The following CEP170 variants were observed in gnomAD, a reference collection of about 807,000 sequenced individuals.
CEP170 encodes the protein centrosomal protein 170.
A neutral mutation model predicts 151.9 loss-of-function variants in CEP170; 21 were observed. The observed-to-expected ratio is 0.14, with a 90% CI of 0.10 to 0.20. The LOEUF (loss-of-function observed/expected upper bound fraction) is 0.20, where lower values mean the gene tolerates loss of function less well. Ranked by LOEUF, CEP170 falls within the 10% of genes least tolerant of loss-of-function variation. The pLI, the probability that CEP170 is intolerant of heterozygous loss-of-function variation, is 1.00. For synonymous variants in CEP170, 356 were observed against 648.8 expected, an observed-to-expected ratio of 0.55 and a Z score of 6.86; for missense variants, 964 against 1,892.9, an observed-to-expected ratio of 0.51 and a Z score of 9.11.
intron 4 of CEP170, among the ~76,000 whole-genome samples, chr1:243,204,520 T>C (rs1472837434): frequency 1.3e-5 from 2 of 152,336 alleles, no homozygotes; most frequent in East Asian, 3.9e-4. Context: ...TTAAAATGAT[T>C]GGCGGGTGGA....
intron 4 of CEP170, 40 bp from the exon 5 acceptor site, chr1:243,200,875 A>T: frequency 1.3e-6 from 2 of 1,580,974 alleles, no homozygotes; most frequent in Non-Finnish European, 1.7e-6. Flanking sequence ...CAAATTTCTG[A>T]TAATTGAGCT....
At chr1:243,233,551 G>A (rs2063957346) in intron 1 of CEP170, among the ~76,000 whole-genome samples, 1 of 151,776 alleles carries the variant, frequency 6.6e-6, no homozygotes, top group Admixed American at 6.6e-5. Flanking sequence ...GGCTAACATG[G>A]TGAAACCCTG....
intron 8 of CEP170, among the ~76,000 whole-genome samples, chr1:243,187,476 CTTAAA>C (rs887843868): frequency 6.6e-6 from 1 of 152,160 alleles, no homozygotes; most frequent in Non-Finnish European, 1.5e-5. Flanking sequence ...CAAATCAGAG[CTTAAA>C]TTAGTTTTAA....
At chr1:243,145,625 G>A (rs2056384957) in intron 14 of CEP170, among the ~76,000 whole-genome samples, 1 of 152,100 alleles carries the variant, frequency 6.6e-6, no homozygotes, top group Admixed American at 6.5e-5. Flanking sequence ...GTTTTTACAT[G>A]TAAAACTTTC....
chr1:243,226,025 G>GTATA (rs576772509), intron 1 of CEP170, among the ~76,000 whole-genome samples: 1 of 119,200 alleles, frequency 8.4e-6, no homozygotes, highest in Admixed American at 8.3e-5. Context: ...ATATACACAC[G>GTATA]TATATATATC....
rs2061609904 is a variant in CEP170, at chr1:243,209,171, CATTTT to C, written c.274+2710_274+2714del. Among the ~76,000 whole-genome samples the C allele has an allele frequency of 2.6e-5, 4 of 152,260 alleles. No individual in the cohort carries two copies. The South Asian group carries it at 8.3e-4, about 32-fold the overall frequency. ...TAAATTGCTCCTTCTATTGATGTAG[CATTTT>C]ATTTTATTTCATTTATTTATTTATT... On this transcript the variant is annotated intron_variant, in intron 4 of 19. Coordinates refer to ENST00000366542, the MANE Select transcript of CEP170 (RefSeq NM_014812.3).
At chr1:243,233,943 A>G (rs1283534959) in intron 1 of CEP170, among the ~76,000 whole-genome samples, 1 of 152,044 alleles carries the variant, frequency 6.6e-6, no homozygotes, top group African/African-American at 2.4e-5. Context: ...ATCACCCATA[A>G]AAAGAAACTG....
At chr1:243,234,242 G>T (rs2149084327) in intron 1 of CEP170, among the ~76,000 whole-genome samples, 1 of 152,308 alleles carries the variant, frequency 6.6e-6, no homozygotes, top group East Asian at 1.9e-4. Flanking sequence ...TACACAGTAG[G>T]AAATGCTTTT....
chr1:243,169,917 A>G (rs1360280368), intron 11 of CEP170, among the ~76,000 whole-genome samples, 163 bp from the exon 12 acceptor site: 1 of 152,224 alleles, frequency 6.6e-6, no homozygotes, highest in Non-Finnish European at 1.5e-5. Context: ...TAAAATAAAA[A>G]TTCTCTAGAA....
rs1271478111 is a variant in CEP170, at chr1:243,183,635, CTTTT to C, written c.1566+2140_1566+2143del. ...GATTCAAGCTAATGGAATCTTAGCT[CTTTT>C]TCTTTGGTAGTCACAAGATAATGTA... On this transcript the variant is annotated intron_variant, in intron 10 of 19. Transcript: ENST00000366542. Among the ~76,000 whole-genome samples the C allele has an allele frequency of 2.0e-5, 3 of 152,112 alleles. No individual in the cohort carries two copies. In the South Asian group the frequency reaches 6.2e-4, roughly 31 times the overall value.
At chr1:243,143,251 C>G (rs2056087021) in intron 14 of CEP170, among the ~76,000 whole-genome samples, 1 of 152,084 alleles carries the variant, frequency 6.6e-6, no homozygotes, top group South Asian at 2.1e-4. Flanking sequence ...ACAGCACTTT[C>G]TAGTACATGT....
chr1:243,218,468 T>C (rs1454647576), intron 3 of CEP170, among the ~76,000 whole-genome samples: 1 of 152,184 alleles, frequency 6.6e-6, no homozygotes, highest in Non-Finnish European at 1.5e-5. Context: ...CGTTAAAATA[T>C]CAGCAACGGA....
At chr1:243,237,952 TAA>T (rs796684881) in intron 1 of CEP170, among the ~76,000 whole-genome samples, 3 of 152,212 alleles carry the variant, frequency 2.0e-5, no homozygotes, top group East Asian at 3.8e-4. Flanking sequence ...GTAAATTATA[TAA>T]ACAATCGGGT....
intron 7 of CEP170, among the ~76,000 whole-genome samples, chr1:243,195,575 T>C (rs1327222059): frequency 6.6e-6 from 1 of 151,970 alleles, no homozygotes; most frequent in Non-Finnish European, 1.5e-5. Context: ...AATGCAACTC[T>C]AAAAATTAAT....
Position 243,124,883 on chromosome 1 carries a change from T to C in CEP170, c.*1566A>G, listed in dbSNP as rs1398776766. The C allele has an allele frequency of 6.6e-6, 1 of 152,578 alleles. No individual in the cohort carries two copies. The highest frequency in any genetic ancestry group is 2.4e-5 in the African/African-American group (1 of 41,430). 9.5% of individuals were successfully genotyped at this position (152,578 alleles called of 1,614,324 possible). A position where few individuals can be genotyped will look rare whatever the true frequency, so the allele number is the denominator to read the frequency against. On this transcript the variant is annotated 3_prime_UTR_variant, in exon 20 of 20. Transcript: ENST00000366542. ...CAAGGAGAATAGTTCATTTACCTTT[T>C]TTTTTTTGTATTTAAAGAAAAATAG...
intron 12 of CEP170, chr1:243,169,308 T>G (rs1248016258): frequency 2.2e-5 from 5 of 231,072 alleles, no homozygotes; most frequent in Non-Finnish European, 4.2e-5. Flanking sequence ...TTAGGAAGTC[T>G]CAACTTACGA....
intron 3 of CEP170, among the ~76,000 whole-genome samples, chr1:243,216,039 T>C (rs1370716056): frequency 6.6e-6 from 1 of 151,764 alleles, no homozygotes; most frequent in Non-Finnish European, 1.5e-5. Flanking sequence ...GTGATGACTA[T>C]CTTTACTGGC....
chr1:243,147,775 A>G (rs1001028939), intron 14 of CEP170, among the ~76,000 whole-genome samples: 4 of 152,234 alleles, frequency 2.6e-5, no homozygotes, highest in African/African-American at 9.6e-5. Context: ...TGGGGCTAAG[A>G]CAAGGAACTT....
intron 1 of CEP170, among the ~76,000 whole-genome samples, chr1:243,248,219 T>C (rs1264386906): frequency 6.6e-6 from 1 of 152,254 alleles, no homozygotes; most frequent in Non-Finnish European, 1.5e-5. Flanking sequence ...TTATGAAGTA[T>C]TTAGGTGATT....
Sources: gnomAD v4.1 joint callset for allele counts (sites outside exome capture counted in the v4.1 genomes callset) on GRCh38, gnomAD v4.1.1 for gene constraint, MANE v1.5 for transcripts, NCBI Gene and HGNC (gene_info 2026-07-23, HGNC 2026-07-21) for gene names.